EPHA6: variants seen among roughly 807,000 people sequenced by gnomAD.
EPHA6 encodes EPH receptor A6.
EPHA6 carries 50 observed loss-of-function variants against 112.0 expected under a neutral mutation model. The ratio of observed to expected loss-of-function variants is 0.45; its 90% confidence interval spans 0.36 to 0.56. The LOEUF is 0.56. EPHA6 is among the 20% of genes least tolerant of loss of function. The probability of loss-of-function intolerance (pLI) is 0.00; values close to 1 mark genes in which losing one functional copy is unlikely to be tolerated. For missense variants in EPHA6, 1,280 were observed against 1,417.4 expected, an observed-to-expected ratio of 0.90 and a Z score of 1.56; for synonymous variants, 529 against 490.7, an observed-to-expected ratio of 1.08 and a Z score of -1.03.
rs200216438 is a variant in EPHA6 at position 97,327,839 on chromosome 3, A to G, written c.1607-77311A>G. On this transcript the variant is annotated intron_variant, in intron 5 of 17. Transcript: ENST00000389672. The stretch of plus-strand genomic sequence containing the variant: ...ATGATATTCCTTGGTGTGTGTGTGT[A>G]TATATATATATATGTATATGTGTGT... Among the ~76,000 whole-genome samples, 70 of 100,460 alleles carry G rather than the reference A, an allele frequency of 7.0e-4. 1 individual carries two copies. Among genetic ancestry groups the G allele is most frequent in the African/African-American group, 2.4e-3 (18 of 7,556 alleles). The allele number at this position is 100,460 out of a possible 152,430, so 65.9% of individuals were successfully genotyped here. A position where few individuals can be genotyped will look rare whatever the true frequency, so the allele number is the denominator to read the frequency against.
intron 6 of EPHA6, among the ~76,000 whole-genome samples, chr3:97,434,558 A>C (rs1204270500): frequency 1.3e-5 from 2 of 152,116 alleles, no homozygotes; most frequent in Non-Finnish European, 2.9e-5. Flanking sequence ...ATCTAGTGAC[A>C]AAAAAATAGG....
intron 3 of EPHA6, among the ~76,000 whole-genome samples, chr3:97,155,123 G>T (rs1414012811): frequency 6.6e-6 from 1 of 152,022 alleles, no homozygotes; most frequent in Non-Finnish European, 1.5e-5. Context: ...CTTAAAAATA[G>T]AATATGTAAA....
intron 5 of EPHA6, among the ~76,000 whole-genome samples, chr3:97,302,406 T>C (rs185603147): frequency 6.6e-6 from 1 of 151,634 alleles, no homozygotes; most frequent in Non-Finnish European, 1.5e-5. Context: ...TTTTTGTCCA[T>C]AGAGATTTTC....
intron 2 of EPHA6, among the ~76,000 whole-genome samples, chr3:96,923,826 C>G (rs772680048): frequency 4.0e-5 from 6 of 151,784 alleles, no homozygotes; most frequent in Non-Finnish European, 7.4e-5. Context: ...AGGAAGGAGT[C>G]CAGTTTCAGT....
At chr3:96,864,291 T>G (rs1160652343) in intron 1 of EPHA6, among the ~76,000 whole-genome samples, 1 of 152,118 alleles carries the variant, frequency 6.6e-6, no homozygotes, top group Non-Finnish European at 1.5e-5. Context: ...GGGTGGCCTA[T>G]GTATAATGTT....
At chr3:97,624,983 T>C (rs1360623058) in intron 13 of EPHA6, among the ~76,000 whole-genome samples, 1 of 151,542 alleles carries the variant, frequency 6.6e-6, no homozygotes, top group Non-Finnish European at 1.5e-5. Context: ...TTTGTTGTTC[T>C]TTTGGAAGAA....
chr3:97,598,997 T>C (rs2093619652), intron 12 of EPHA6, among the ~76,000 whole-genome samples: 1 of 152,164 alleles, frequency 6.6e-6, no homozygotes, highest in South Asian at 2.1e-4. Context: ...GGTTTTGATT[T>C]GCATTTCTCT....
At chr3:97,513,760 C>T (rs958619848) in intron 10 of EPHA6, among the ~76,000 whole-genome samples, 2 of 151,916 alleles carry the variant, frequency 1.3e-5, no homozygotes, top group African/African-American at 2.4e-5. Flanking sequence ...GAGAATGGTG[C>T]ATATGTCAAT....
intron 2 of EPHA6, among the ~76,000 whole-genome samples, chr3:96,954,064 A>T (rs144797843): frequency 1.3e-5 from 2 of 151,914 alleles, no homozygotes; most frequent in East Asian, 3.9e-4. Context: ...TGTAAAGATG[A>T]AGTCTTGCTG....
chr3:97,442,125 A>T (rs1033583197), intron 6 of EPHA6, among the ~76,000 whole-genome samples: 2 of 152,164 alleles, frequency 1.3e-5, no homozygotes, highest in Admixed American at 1.3e-4. Context: ...ACTTTTTATG[A>T]CTATAAGCTC....
intron 5 of EPHA6, among the ~76,000 whole-genome samples, chr3:97,268,643 T>G (rs2079777370): frequency 6.6e-6 from 1 of 152,172 alleles, no homozygotes; most frequent in Admixed American, 6.6e-5. Context: ...ATGCTATAAT[T>G]TATTAAAAGA....
At chr3:96,996,749 G>A (rs143906856) in intron 3 of EPHA6, among the ~76,000 whole-genome samples, 18 of 152,078 alleles carry the variant, frequency 1.2e-4, no homozygotes, top group African/African-American at 4.1e-4. Context: ...ATAGAGCATG[G>A]GCAGAGTAGA....
chr3:97,098,801 A>G (rs2047320385), intron 3 of EPHA6, among the ~76,000 whole-genome samples: 1 of 151,894 alleles, frequency 6.6e-6, no homozygotes, highest in African/African-American at 2.4e-5. Flanking sequence ...TGTAATTGTT[A>G]TGCTGCTGTG....
chr3:97,579,042 A>G (rs1389858302), intron 11 of EPHA6, among the ~76,000 whole-genome samples: 1 of 152,114 alleles, frequency 6.6e-6, no homozygotes, highest in Admixed American at 6.6e-5. Context: ...ACTATCCAGT[A>G]TTTATGTTTG....
chr3:97,137,674 G>GA (rs1422634333), intron 3 of EPHA6, among the ~76,000 whole-genome samples: 3 of 151,312 alleles, frequency 2.0e-5, no homozygotes, highest in African/African-American at 4.9e-5. Flanking sequence ...TTATTGTTTT[G>GA]AAAAAAAATT....
chr3:96,960,696 A>G lies in EPHA6; in HGVS notation c.451-26634A>G, dbSNP rs752389887. ...TTCTCTAGTGTTGTTTAATAAATCC[A>G]TGTCACTATGTCTTTGAATCTTTTG... On this transcript the variant is annotated intron_variant, in intron 2 of 17. Transcript: ENST00000389672. 1.1e-4 allele frequency among the ~76,000 whole-genome samples: 17 copies of G among 152,290 alleles called. No individual in the cohort carries two copies. The South Asian group carries it at 2.9e-3, about 26-fold the overall frequency.
intron 5 of EPHA6, among the ~76,000 whole-genome samples, chr3:97,312,677 G>A (rs1259472203): frequency 6.7e-6 from 1 of 150,144 alleles, no homozygotes; most frequent in Non-Finnish European, 1.5e-5. Context: ...CCTATGCATA[G>A]TTTTTTTTTA....
At chr3:97,246,529 CTA>C (rs1416638733) in intron 5 of EPHA6, among the ~76,000 whole-genome samples, 1 of 151,558 alleles carries the variant, frequency 6.6e-6, no homozygotes, top group African/African-American at 2.4e-5. Context: ...TATATTGGAA[CTA>C]TATATTCTGG....
At chr3:97,095,160 C>T (rs114872216) in intron 3 of EPHA6, among the ~76,000 whole-genome samples, 4 of 151,962 alleles carry the variant, frequency 2.6e-5, no homozygotes, top group Non-Finnish European at 2.9e-5. Flanking sequence ...ATGAAAGAAG[C>T]GTAATATTGT....
Sources: allele counts gnomAD v4.1 joint callset (sites outside exome capture counted in the v4.1 genomes callset), GRCh38; gene constraint gnomAD v4.1.1; transcripts MANE v1.5; gene names NCBI Gene and HGNC (gene_info 2026-07-23, HGNC 2026-07-21).